DOCK3: variants seen among roughly 807,000 people sequenced by gnomAD.
DOCK3 encodes the protein dedicator of cytokinesis 3.
In DOCK3, 60 loss-of-function variants were observed where a neutral mutation model predicts 265.6. That is an observed-to-expected ratio of 0.23 (90% CI 0.18 to 0.28). The LOEUF is 0.28. DOCK3 is among the 10% of genes least tolerant of loss of function. The probability of loss-of-function intolerance (pLI) is 1.00; values close to 1 mark genes in which losing one functional copy is unlikely to be tolerated. For synonymous variants in DOCK3, 881 were observed against 938.0 expected (o/e 0.94, Z 1.11); for missense variants, 1,981 against 2,594.3 (o/e 0.76, Z 5.14).
intron 9 of DOCK3, among the ~76,000 whole-genome samples, chr3:51,121,356 G>T (rs752481458): frequency 3.9e-5 from 6 of 152,126 alleles, no homozygotes; most frequent in Non-Finnish European, 7.3e-5. Flanking sequence ...GATGAACCTA[G>T]TACCTCAATT....
At chr3:51,097,574 C>T (rs893543012) in intron 9 of DOCK3, among the ~76,000 whole-genome samples, 1 of 152,230 alleles carries the variant, frequency 6.6e-6, no homozygotes, top group Admixed American at 6.5e-5. Flanking sequence ...AGCTAGACCA[C>T]TTGGCTCCCT....
At chr3:51,303,951 G>A (rs1033613014) in intron 27 of DOCK3, among the ~76,000 whole-genome samples, 7 of 152,240 alleles carry the variant, frequency 4.6e-5, no homozygotes, top group African/African-American at 1.7e-4. Flanking sequence ...CAGAGGGGGT[G>A]TGCTGTGCTG....
At chr3:51,175,481 G>T (rs4130473) in intron 12 of DOCK3, among the ~76,000 whole-genome samples, 10,604 of 152,174 alleles carry the variant, frequency 0.07, 939 homozygotes, top group East Asian at 0.32. Context: ...ATCCTGAGTG[G>T]GCAGAACTAT....
intron 35 of DOCK3, 52 bp downstream of exon 35, chr3:51,333,305 G>A (rs2084651600): frequency 6.4e-7 from 1 of 1,565,180 alleles, no homozygotes; most frequent in Admixed American, 1.7e-5. Context: ...TACTCTCTCT[G>A]GCAAGGGAAT....
intron 5 of DOCK3, among the ~76,000 whole-genome samples, chr3:50,950,821 A>G (rs972929920): frequency 2.0e-5 from 3 of 152,090 alleles, no homozygotes; most frequent in Non-Finnish European, 4.4e-5. Context: ...GCAATGTTAC[A>G]GTTGTTTAGG....
intron 2 of DOCK3, chr3:50,787,660 G>A (rs1041293639): frequency 1.5e-6 from 2 of 1,312,276 alleles, no homozygotes; most frequent in African/African-American, 2.9e-5. Context: ...GCAACCTCTT[G>A]TAGTTCTGGG....
intron 14 of DOCK3, among the ~76,000 whole-genome samples, chr3:51,217,981 C>T (rs1017268439): frequency 3.3e-5 from 5 of 151,108 alleles, no homozygotes; most frequent in Admixed American, 2.6e-4. Flanking sequence ...AGCCGGGGGT[C>T]GTGGTGGGCG....
intron 4 of DOCK3, among the ~76,000 whole-genome samples, chr3:50,900,163 G>T (rs13086545): frequency 0.094 from 14,358 of 151,942 alleles, 840 homozygotes; most frequent in Non-Finnish European, 0.12. Flanking sequence ...TCTTGGAGGC[G>T]TTTTTCGTTT....
At position 50,966,483 on chromosome 3, in the gene DOCK3, GTT is replaced by G. The variant is rs140247895; in HGVS notation, c.315+32419_315+32420del. On this transcript the variant is annotated intron_variant, in intron 5 of 52. Coordinates refer to ENST00000266037, the MANE Select transcript of DOCK3 (RefSeq NM_004947.5). ...ACTTCATCAATACTGGTTATCTCTTGTTTTTTTTTTTTTTCTTCCTTTTTTTT... is the reference window on the plus strand; with the variant it reads ...ACTTCATCAATACTGGTTATCTCTTGTTTTTTTTTTTTCTTCCTTTTTTTT... Among the ~76,000 whole-genome samples, 508 of 116,902 alleles carry G rather than the reference GTT, an allele frequency of 4.3e-3. 1 individual carries two copies. Among genetic ancestry groups the G allele is most frequent in the East Asian group, 1.0e-2 (41 of 4,118 alleles). The allele number at this position is 116,902 out of a possible 152,430, so 76.7% of individuals were successfully genotyped here.
At chr3:50,959,540 G>T (rs1408285692) in intron 5 of DOCK3, among the ~76,000 whole-genome samples, 2 of 140,944 alleles carry the variant, frequency 1.4e-5, no homozygotes, top group Non-Finnish European at 3.1e-5. Context: ...TTGTGTGTGT[G>T]TGTGTGTGTG....
intron 22 of DOCK3, among the ~76,000 whole-genome samples, chr3:51,248,676 C>T (rs1467347991): frequency 2.0e-5 from 3 of 151,442 alleles, no homozygotes; most frequent in African/African-American, 4.9e-5. Flanking sequence ...GTGAGGAGCC[C>T]CTCTGCCTGG....
intron 5 of DOCK3, among the ~76,000 whole-genome samples, chr3:50,945,687 T>C (rs2076407825): frequency 6.6e-6 from 1 of 152,152 alleles, no homozygotes; most frequent in Non-Finnish European, 1.5e-5. Flanking sequence ...TTTATGGTTA[T>C]CCCAAGAATA....
chr3:51,291,901 G>C (rs2081800040), intron 27 of DOCK3, among the ~76,000 whole-genome samples: 1 of 152,154 alleles, frequency 6.6e-6, no homozygotes, highest in African/African-American at 2.4e-5. Flanking sequence ...TATTCACCAT[G>C]ATCAAGTGGG....
chr3:50,867,772 A>T (rs889838197), intron 3 of DOCK3, among the ~76,000 whole-genome samples: 1 of 152,122 alleles, frequency 6.6e-6, no homozygotes, highest in Non-Finnish European at 1.5e-5. Context: ...CCAGGGATAA[A>T]TCTTACTTGA....
At chr3:51,261,028 C>T (rs866396352) in intron 23 of DOCK3, among the ~76,000 whole-genome samples, 5 of 151,906 alleles carry the variant, frequency 3.3e-5, no homozygotes, top group Admixed American at 6.6e-5. Flanking sequence ...TAGCTTTTAT[C>T]CATTCCAGAA....
At chr3:50,804,052 T>G (rs891522812) in intron 2 of DOCK3, among the ~76,000 whole-genome samples, 1 of 148,916 alleles carries the variant, frequency 6.7e-6, no homozygotes, top group African/African-American at 2.5e-5. Flanking sequence ...CACTCCTTAG[T>G]TCCCAGACGG....
chr3:51,363,369 G>A (rs1446914334), intron 49 of DOCK3, among the ~76,000 whole-genome samples: 3 of 152,200 alleles, frequency 2.0e-5, no homozygotes, highest in African/African-American at 7.2e-5. Context: ...GCTTTGCAGG[G>A]TAGTGACAGT....
chr3:50,939,368 C>G (rs1000120869), intron 5 of DOCK3, among the ~76,000 whole-genome samples: 1 of 151,932 alleles, frequency 6.6e-6, no homozygotes, highest in Admixed American at 6.6e-5. Context: ...GGAATACTTC[C>G]TAATTCATCT....
rs545923409 is a variant in DOCK3, at chr3:50,882,594, G to A, written c.163-7432G>A. ...CCCATCACACACCAGTTAGAATGGC[G>A]ATCATTAAAAAGTCAGGAAACAACA... On this transcript the variant is annotated intron_variant, in intron 3 of 52. Transcript: ENST00000266037. Among the ~76,000 whole-genome samples the A allele has an allele frequency of 4.6e-4, 70 of 152,136 alleles. 2 individuals carry two copies. In the South Asian group the frequency reaches 7.7e-3, roughly 17 times the overall value.
Sources: allele counts gnomAD v4.1 joint callset (sites outside exome capture counted in the v4.1 genomes callset), GRCh38; gene constraint gnomAD v4.1.1; transcripts MANE v1.5; gene names NCBI Gene and HGNC (gene_info 2026-07-23, HGNC 2026-07-21).